CDK5RAP2: variants seen among roughly 807,000 people sequenced by gnomAD.
The protein encoded by CDK5RAP2 is CDK5 regulatory subunit-associated protein 2.
Under a neutral mutation model 232.9 loss-of-function variants are expected in CDK5RAP2, and 147 were observed. The observed-to-expected ratio is 0.63, with a 90% CI of 0.55 to 0.72. The LOEUF (loss-of-function observed/expected upper bound fraction) is 0.72, where lower values mean the gene tolerates loss of function less well. Among genes scored for constraint, CDK5RAP2 ranks in the 30% least tolerant of loss-of-function variants. The pLI, the probability that CDK5RAP2 is intolerant of heterozygous loss-of-function variation, is 0.00. For missense variants in CDK5RAP2, 2,195 were observed against 2,231.5 expected (o/e 0.98, Z 0.33); for synonymous variants, 833 against 833.7 (o/e 1.00, Z 0.01).
intron 20 of CDK5RAP2, among the ~76,000 whole-genome samples, 187 bp downstream of exon 20, chr9:120,458,263 G>T (rs529817491): frequency 1.3e-5 from 2 of 152,086 alleles, no homozygotes; most frequent in Non-Finnish European, 2.9e-5. Flanking sequence ...CTTTGCTGAC[G>T]TCCCCTCACA....
intron 22 of CDK5RAP2, among the ~76,000 whole-genome samples, chr9:120,445,168 C>A (rs889256387): frequency 8.5e-5 from 13 of 152,222 alleles, no homozygotes; most frequent in Non-Finnish European, 1.8e-4. Context: ...CTGCTTCTCC[C>A]GCAGCCTTCA....
intron 12 of CDK5RAP2, among the ~76,000 whole-genome samples, chr9:120,506,125 G>C (rs1251596048): frequency 6.6e-6 from 1 of 152,162 alleles, no homozygotes; most frequent in East Asian, 1.9e-4. Context: ...CCTTATTAGG[G>C]GCTAATGCAG....
In CDK5RAP2 at chr9:120,536,398, C is replaced by G. The variant is rs2041386174; in HGVS notation, c.636G>C (p.Met212Ile). The G allele has an allele frequency of 6.2e-7, 1 of 1,614,054 alleles. No homozygotes were observed. Among genetic ancestry groups the G allele is most frequent in the African/African-American group, 1.3e-5 (1 of 74,916 alleles). ...TGTCTTTCTCATCCAGGACCAGAGCCATCGCCAAGTCCCCCTCGTGCATCT... is the reference window on the plus strand; with the variant it reads ...TGTCTTTCTCATCCAGGACCAGAGCGATCGCCAAGTCCCCCTCGTGCATCT... ...MKKMHEGDLA[M>I]ALVLDEKDRL... Residue 212 changes from methionine to isoleucine, a missense_variant, in exon 7 of 38, where the codon ATG becomes ATC. Coordinates refer to ENST00000349780, the MANE Select transcript of CDK5RAP2 (RefSeq NM_018249.6).
rs200240971 is a variant in CDK5RAP2, at chr9:120,389,202, G to A, written c.*34C>T. On this transcript the variant is annotated 3_prime_UTR_variant, in exon 38 of 38. Coordinates refer to ENST00000349780, the MANE Select transcript of CDK5RAP2 (RefSeq NM_018249.6). Reference sequence around the variant, plus strand: ...CAAAGAGACAGCGTGAGCTCGGTGGGGGAAGCACAAGCTTTATTGGCTGAA... The same window carrying A: ...CAAAGAGACAGCGTGAGCTCGGTGGAGGAAGCACAAGCTTTATTGGCTGAA... The A allele has an allele frequency of 3.2e-6, 5 of 1,586,886 alleles. No individual in the cohort carries two copies. The highest frequency in any genetic ancestry group is 4.3e-6 in the Non-Finnish European group (5 of 1,158,424).
intron 13 of CDK5RAP2, among the ~76,000 whole-genome samples, chr9:120,490,848 A>G (rs1262823568): frequency 2.0e-5 from 3 of 152,150 alleles, no homozygotes; most frequent in Non-Finnish European, 4.4e-5. Flanking sequence ...TTAAATGCCT[A>G]TGTTTACTCC....
intron 13 of CDK5RAP2, among the ~76,000 whole-genome samples, chr9:120,490,793 T>A (rs546180905): frequency 4.6e-5 from 7 of 152,362 alleles, no homozygotes; most frequent in African/African-American, 1.7e-4. Context: ...TATACCTTTT[T>A]ATTCTTTCAT....
At chr9:120,563,164 G>A (rs765389389) in intron 3 of CDK5RAP2, among the ~76,000 whole-genome samples, 3 of 152,142 alleles carry the variant, frequency 2.0e-5, no homozygotes, top group Non-Finnish European at 2.9e-5. Context: ...GAGGCAAGAA[G>A]GTCCAGGGGC....
chr9:120,427,584 A>G (rs1309533341), intron 25 of CDK5RAP2, among the ~76,000 whole-genome samples: 1 of 152,170 alleles, frequency 6.6e-6, no homozygotes, highest in South Asian at 2.1e-4. Context: ...AGTGCAAGCT[A>G]TAAACAAACC....
chr9:120,450,697 C>T (rs2036437243), intron 21 of CDK5RAP2, among the ~76,000 whole-genome samples: 1 of 152,170 alleles, frequency 6.6e-6, no homozygotes, highest in East Asian at 1.9e-4. Flanking sequence ...AGCACACTTT[C>T]CCATAATCCA....
intron 25 of CDK5RAP2, among the ~76,000 whole-genome samples, chr9:120,435,635 A>C (rs191310427): frequency 2.2e-3 from 338 of 152,312 alleles, no homozygotes; most frequent in African/African-American, 7.6e-3. Context: ...TTCAGGGCAG[A>C]AGCAGTACAG....
intron 35 of CDK5RAP2, among the ~76,000 whole-genome samples, chr9:120,395,451 G>A (rs567299786): frequency 1.3e-5 from 2 of 152,232 alleles, no homozygotes; most frequent in Non-Finnish European, 1.5e-5. Flanking sequence ...AGTAAACTCT[G>A]GATGGGTGGC....
At chr9:120,414,790 T>A (rs1048282416) in intron 28 of CDK5RAP2, among the ~76,000 whole-genome samples, 1 of 152,258 alleles carries the variant, frequency 6.6e-6, no homozygotes, top group African/African-American at 2.4e-5. Flanking sequence ...ATTTTTATAA[T>A]CCATTATAGA....
chr9:120,487,231 A>G (rs2038659917), intron 14 of CDK5RAP2, 63 bp downstream of exon 14: 3 of 1,563,282 alleles, frequency 1.9e-6, no homozygotes, highest in South Asian at 1.1e-5. Context: ...GAGTTATCAA[A>G]TATGTTTCAA....
Position 120,410,202 on chromosome 9 carries a change from TC to T in CDK5RAP2, c.4415-887del, listed in dbSNP as rs2033758158. ...TAGGTGGCAGAACCAGAATTCGGACTCAGTCTGATTCCATTCTTAAACACAA... is the reference window on the plus strand; with the variant it reads ...TAGGTGGCAGAACCAGAATTCGGACTAGTCTGATTCCATTCTTAAACACAA... On this transcript the variant is annotated intron_variant, in intron 29 of 37. Transcript: ENST00000349780. Among the ~76,000 whole-genome samples the T allele has an allele frequency of 3.3e-5, 5 of 152,338 alleles. No individual in the cohort carries two copies. The East Asian group carries it at 9.6e-4, about 29-fold the overall frequency.
At chr9:120,450,981 C>T (rs1170399141) in intron 21 of CDK5RAP2, among the ~76,000 whole-genome samples, 1 of 152,194 alleles carries the variant, frequency 6.6e-6, no homozygotes, top group Non-Finnish European at 1.5e-5. Context: ...GAGGTGGATG[C>T]CTCAGCAAAG....
chr9:120,518,210 T>TGTGTGAGAGA (rs1554770753), intron 12 of CDK5RAP2, among the ~76,000 whole-genome samples: 3 of 43,914 alleles, frequency 6.8e-5, no homozygotes, highest in African/African-American at 2.5e-4. Context: ...TGTGTGTGTG[T>TGTGTGAGAGA]GAGAGAGAGA....
chr9:120,408,294 GT>G (rs1408969067), intron 31 of CDK5RAP2, 52 bp downstream of exon 31: 1 of 1,609,422 alleles, frequency 6.2e-7, no homozygotes, highest in Non-Finnish European at 8.5e-7. Context: ...CAGCTGTCGG[GT>G]GGTCTTACAG....
Position 120,525,599 on chromosome 9 carries a change from C to A in CDK5RAP2, c.1000-521G>T, listed in dbSNP as rs73660272. Among the ~76,000 whole-genome samples the A allele has an allele frequency of 6.9e-3, 1,048 of 152,054 alleles. 9 individuals carry two copies. The highest frequency in any genetic ancestry group is 0.024 in the African/African-American group (990 of 41,492). Reference sequence around the variant, plus strand: ...ATCTCGGTTGGACCTAGAACTCCCCCACATGTGATACAATGTTGACTTTTT... The same window carrying A: ...ATCTCGGTTGGACCTAGAACTCCCCAACATGTGATACAATGTTGACTTTTT... On this transcript the variant is annotated intron_variant, in intron 10 of 37. Coordinates refer to ENST00000349780, the MANE Select transcript of CDK5RAP2 (RefSeq NM_018249.6).
At chr9:120,572,486 G>C (rs1433567225) in intron 1 of CDK5RAP2, among the ~76,000 whole-genome samples, 1 of 152,184 alleles carries the variant, frequency 6.6e-6, no homozygotes, top group Non-Finnish European at 1.5e-5. Context: ...TTATCATTAT[G>C]ACTACTAATA....
Sources: allele counts gnomAD v4.1 joint callset (sites outside exome capture counted in the v4.1 genomes callset), GRCh38; gene constraint gnomAD v4.1.1; transcripts MANE v1.5; gene names NCBI Gene and HGNC (gene_info 2026-07-23, HGNC 2026-07-21).